The following TMEM181 variants were observed in gnomAD, a reference collection of about 807,000 sequenced individuals.
TMEM181 encodes the protein G protein-coupled receptor 178.
A neutral mutation model predicts 71.9 loss-of-function variants in TMEM181; 39 were observed. The observed-to-expected ratio is 0.54, with a 90% CI of 0.42 to 0.71. The LOEUF (loss-of-function observed/expected upper bound fraction) is 0.71. TMEM181 is among the 30% of genes least tolerant of loss of function. The pLI is 0.00. For synonymous variants in TMEM181, 245 were observed against 228.8 expected (o/e 1.07, Z -0.64); for missense variants, 595 against 583.0 (o/e 1.02, Z -0.21).
At position 158,608,704 on chromosome 6, in the gene TMEM181, G is replaced by T; in HGVS notation, c.850G>T (p.Val284Phe). Reference protein sequence around the residue: ...LTFYLPKFFIVGLLWLASVTL... With the variant: ...LTFYLPKFFIFGLLWLASVTL... ...TTTCTATTTGCCTAAATTCTTCATT[G>T]TTGGACTATTGTGGTTGGCTTCTGT... Residue 284 changes from valine (V) to phenylalanine (F), a missense_variant, in exon 10 of 17, where the codon GTT becomes TTT. Coordinates refer to ENST00000684151, the MANE Select transcript of TMEM181 (RefSeq NM_001376852.1). 1 of 1,613,410 alleles carries T rather than the reference G, an allele frequency of 6.2e-7. No homozygotes were observed. Among genetic ancestry groups the T allele is most frequent in the South Asian group, 1.1e-5 (1 of 90,748 alleles).
At chr6:158,602,509 C>T (rs1784723067) in intron 6 of TMEM181, among the ~76,000 whole-genome samples, 1 of 152,182 alleles carries the variant, frequency 6.6e-6, no homozygotes. Context: ...GTTTCAGTTA[C>T]TTCATATCCC....
At position 158,586,749 on chromosome 6, in the gene TMEM181, C is replaced by G. The variant is rs1783795810; in HGVS notation, c.381+1324C>G. Among the ~76,000 whole-genome samples, 3 of 152,168 alleles carry G rather than the reference C, an allele frequency of 2.0e-5. No homozygotes were observed. The South Asian group carries it at 6.2e-4, about 32-fold the overall frequency. Reference sequence around the variant, plus strand: ...GATCACGTGGGACTGGCCTCTCATTCTGCTTCCAGGGGATGAGTCAGCTTC... The same window carrying G: ...GATCACGTGGGACTGGCCTCTCATTGTGCTTCCAGGGGATGAGTCAGCTTC... On this transcript the variant is annotated intron_variant, in intron 5 of 16. Transcript: ENST00000684151.
intron 6 of TMEM181, among the ~76,000 whole-genome samples, chr6:158,593,600 A>G (rs1239762083): frequency 3.9e-5 from 6 of 152,244 alleles, no homozygotes; most frequent in Non-Finnish European, 4.4e-5. Flanking sequence ...CGCATAATCA[A>G]CATTGTGCTG....
At chr6:158,611,620 T>A (rs559450304) in intron 10 of TMEM181, 147 of 344,180 alleles carry the variant, frequency 4.3e-4, no homozygotes, top group South Asian at 3.5e-3. Context: ...TGTGGAGGGG[T>A]TCCCCCTGAC....
In TMEM181 at chr6:158,634,089, T is replaced by G. The variant is rs1232443851; in HGVS notation, c.*2201T>G. ...ACTATTATCTTCATACATTGAGTCTTCATGCATCAATGAAATGAAAAATAT... is the reference window on the plus strand; with the variant it reads ...ACTATTATCTTCATACATTGAGTCTGCATGCATCAATGAAATGAAAAATAT... On this transcript the variant is annotated 3_prime_UTR_variant, in exon 17 of 17. Transcript: ENST00000684151. 1.3e-5 allele frequency: 2 copies of G among 152,238 alleles called. No individual in the cohort carries two copies. Among genetic ancestry groups the G allele is most frequent in the African/African-American group, 2.4e-5 (1 of 41,468 alleles). 9.4% of individuals were successfully genotyped at this position (152,238 alleles called of 1,614,324 possible).
intron 1 of TMEM181, among the ~76,000 whole-genome samples, chr6:158,563,211 T>G (rs1003723287): frequency 6.6e-6 from 1 of 152,236 alleles, no homozygotes; most frequent in Non-Finnish European, 1.5e-5. Flanking sequence ...TGGTGCGATC[T>G]CGGCTCACTG....
intron 10 of TMEM181, chr6:158,611,677 C>A: frequency 3.6e-6 from 1 of 281,318 alleles, no homozygotes; most frequent in Non-Finnish European, 7.0e-6. Context: ...TTGGTGGCGG[C>A]CCCGCCCACA....
chr6:158,589,876 T>C (rs2128305265), intron 6 of TMEM181, 94 bp downstream of exon 6: 2 of 943,584 alleles, frequency 2.1e-6, no homozygotes, highest in East Asian at 5.0e-5. Context: ...ATCTAAATAA[T>C]GTTAATTTGG....
At chr6:158,592,987 A>G (rs1562641072) in intron 6 of TMEM181, among the ~76,000 whole-genome samples, 1 of 152,202 alleles carries the variant, frequency 6.6e-6, no homozygotes, top group Non-Finnish European at 1.5e-5. Context: ...CAAGGACACA[A>G]GTTTTCTCAT....
At chr6:158,583,226 C>G (rs570903103) in intron 3 of TMEM181, among the ~76,000 whole-genome samples, 19 of 152,216 alleles carry the variant, frequency 1.2e-4, no homozygotes, top group African/African-American at 4.3e-4. Context: ...GAGCTAGACT[C>G]CCGTCTCAAA....
rs779154812 is a variant in TMEM181, at chr6:158,625,067, C to T, written c.955-37C>T. 5 of 1,529,914 alleles carry T rather than the reference C, an allele frequency of 3.3e-6. No homozygotes were observed. The South Asian group carries it at 3.4e-5, about 10-fold the overall frequency. The allele number at this position is 1,529,914 out of a possible 1,614,324, so 94.8% of individuals were successfully genotyped here. A position where few individuals can be genotyped will look rare whatever the true frequency, so the allele number is the denominator to read the frequency against. ...GCTGGGAGGAGAAGGTCACAGAGGCCCTGTTCCGACTCAAGTGCTGCCTTG... is the reference window on the plus strand; with the variant it reads ...GCTGGGAGGAGAAGGTCACAGAGGCTCTGTTCCGACTCAAGTGCTGCCTTG... On this transcript the variant is annotated intron_variant, in intron 11 of 16. Coordinates refer to ENST00000684151, the MANE Select transcript of TMEM181 (RefSeq NM_001376852.1).
intron 2 of TMEM181, among the ~76,000 whole-genome samples, 190 bp downstream of exon 2, chr6:158,573,713 T>C (rs1783006111): frequency 1.3e-5 from 2 of 152,088 alleles, no homozygotes; most frequent in African/African-American, 4.8e-5. Flanking sequence ...GGGGGAGGTG[T>C]GCAGTAAGTA....
In TMEM181 at chr6:158,613,013, CAGTT is replaced by C. The variant is rs372174714; in HGVS notation, c.896+4269_896+4272del. 3.3e-3 allele frequency among the ~76,000 whole-genome samples: 498 copies of C among 152,288 alleles called. 1 individual carries two copies. The highest frequency in any genetic ancestry group is 0.01 in the Middle Eastern group (3 of 294). Reference sequence around the variant, plus strand: ...CTGAGTCAGATGAGTAATTGTCACTCAGTTAGTTATTTTTTATGATTTTCAACTT... The same window carrying C: ...CTGAGTCAGATGAGTAATTGTCACTCAGTTATTTTTTATGATTTTCAACTT... On this transcript the variant is annotated intron_variant, in intron 10 of 16. Transcript: ENST00000684151.
chr6:158,593,482 T>C (rs1784224353), intron 6 of TMEM181, among the ~76,000 whole-genome samples: 1 of 152,198 alleles, frequency 6.6e-6, no homozygotes. Context: ...GCAACTAATA[T>C]TTGAAGGGGG....
intron 7 of TMEM181, among the ~76,000 whole-genome samples, chr6:158,606,201 C>T (rs977023970): frequency 4.9e-4 from 68 of 139,894 alleles, no homozygotes; most frequent in South Asian, 3.2e-3. Context: ...GAGGGAGGGG[C>T]GTGGGCGCTA....
At chr6:158,609,129 A>G (rs1187335136) in intron 10 of TMEM181, among the ~76,000 whole-genome samples, 1 of 151,862 alleles carries the variant, frequency 6.6e-6, no homozygotes, top group Non-Finnish European at 1.5e-5. Flanking sequence ...AAGGCTTACA[A>G]TCAAACTGTG....
At chr6:158,624,919 GC>G (rs760878014) in intron 11 of TMEM181, among the ~76,000 whole-genome samples, 184 bp from the exon 12 acceptor site, 13 of 152,226 alleles carry the variant, frequency 8.5e-5, no homozygotes, top group Non-Finnish European at 1.6e-4. Flanking sequence ...CAGGGGAGCT[GC>G]CTGTGCTCGC....
At chr6:158,538,231 T>C (rs2128276230) in intron 1 of TMEM181, among the ~76,000 whole-genome samples, 1 of 150,642 alleles carries the variant, frequency 6.6e-6, no homozygotes, top group South Asian at 2.1e-4. Flanking sequence ...CTTGGCTCAC[T>C]GCATCCTCCA....
chr6:158,559,719 C>T (rs1028088891), upstream of TMEM181, among the ~76,000 whole-genome samples: 7 of 152,218 alleles, frequency 4.6e-5, no homozygotes, highest in African/African-American at 1.7e-4. Context: ...AATGAATATA[C>T]AGCTATAGCT....
Sources: gnomAD v4.1 joint callset for allele counts (sites outside exome capture counted in the v4.1 genomes callset) on GRCh38, gnomAD v4.1.1 for gene constraint, MANE v1.5 for transcripts, NCBI Gene and HGNC (gene_info 2026-07-23, HGNC 2026-07-21) for gene names.